Variants in GPR158 observed in about 807,000 individuals in gnomAD.
The protein encoded by GPR158 is G protein-coupled receptor 158.
A neutral mutation model predicts 78.2 loss-of-function variants in GPR158; 30 were observed. That is an observed-to-expected ratio of 0.38 (90% CI 0.29 to 0.52). The LOEUF (loss-of-function observed/expected upper bound fraction) is 0.52. Ranked by LOEUF, GPR158 falls within the 20% of genes least tolerant of loss-of-function variation. The pLI, the probability that GPR158 is intolerant of heterozygous loss-of-function variation, is 0.83. For missense variants in GPR158, 1,463 were observed against 1,523.5 expected (o/e 0.96, Z 0.66); for synonymous variants, 581 against 591.1 (o/e 0.98, Z 0.25).
At chr10:25,546,001 G>A (rs972883700) in intron 5 of GPR158, among the ~76,000 whole-genome samples, 1 of 152,170 alleles carries the variant, frequency 6.6e-6, no homozygotes, top group African/African-American at 2.4e-5. Context: ...CATTCATTGA[G>A]AGTAAATAAC....
chr10:25,410,579 G>T (rs891960271), intron 3 of GPR158, among the ~76,000 whole-genome samples: 2 of 152,134 alleles, frequency 1.3e-5, no homozygotes, highest in African/African-American at 4.8e-5. Flanking sequence ...TGATGCCACT[G>T]CACTCCAGCT....
chr10:25,281,185 TCTC>T (rs1854267145), intron 2 of GPR158, among the ~76,000 whole-genome samples: 1 of 150,346 alleles, frequency 6.7e-6, no homozygotes, highest in South Asian at 2.1e-4. Context: ...AAGAATCTCT[TCTC>T]CATCTTTTCG....
At chr10:25,543,469 T>G (rs927668577) in intron 5 of GPR158, among the ~76,000 whole-genome samples, 2 of 152,122 alleles carry the variant, frequency 1.3e-5, no homozygotes, top group Non-Finnish European at 2.9e-5. Context: ...ACCACTAAGA[T>G]CATTTGATTG....
At chr10:25,320,459 C>G (rs913135171) in intron 2 of GPR158, among the ~76,000 whole-genome samples, 2 of 152,214 alleles carry the variant, frequency 1.3e-5, no homozygotes, top group African/African-American at 4.8e-5. Flanking sequence ...TTTTAGCCAG[C>G]TGGGCTGTTC....
chr10:25,202,492 G>A (rs1023323049), intron 1 of GPR158, among the ~76,000 whole-genome samples: 1 of 152,130 alleles, frequency 6.6e-6, no homozygotes, highest in African/African-American at 2.4e-5. Flanking sequence ...CTATGAGTGA[G>A]AACATGCAGT....
At chr10:25,219,501 T>C (rs1301623091) in intron 1 of GPR158, among the ~76,000 whole-genome samples, 1 of 152,184 alleles carries the variant, frequency 6.6e-6, no homozygotes, top group Non-Finnish European at 1.5e-5. Flanking sequence ...ATGATCAGCG[T>C]GTTTTCTGTA....
At chr10:25,483,591 C>T (rs1207255943) in intron 5 of GPR158, among the ~76,000 whole-genome samples, 1 of 152,086 alleles carries the variant, frequency 6.6e-6, no homozygotes, top group East Asian at 1.9e-4. Context: ...CTGTTCTCCT[C>T]ACCTCACCCG....
At chr10:25,553,349 C>T (rs1439267353) in intron 6 of GPR158, among the ~76,000 whole-genome samples, 1 of 152,062 alleles carries the variant, frequency 6.6e-6, no homozygotes, top group Non-Finnish European at 1.5e-5. Context: ...CTTTGTATCT[C>T]TAGAAGTCAT....
chr10:25,544,975 G>A (rs1391086037), intron 5 of GPR158, among the ~76,000 whole-genome samples: 4 of 152,140 alleles, frequency 2.6e-5, no homozygotes, highest in Non-Finnish European at 5.9e-5. Flanking sequence ...TTCTGTTCCT[G>A]TGTTAGTTTG....
chr10:25,275,860 A>G (rs1465006850), intron 2 of GPR158, among the ~76,000 whole-genome samples: 5 of 152,182 alleles, frequency 3.3e-5, no homozygotes, highest in African/African-American at 1.2e-4. Flanking sequence ...TGAAGGTGCT[A>G]GAACAGGGAT....
At chr10:25,194,946 A>G (rs1177099231) in intron 1 of GPR158, among the ~76,000 whole-genome samples, 1 of 152,136 alleles carries the variant, frequency 6.6e-6, no homozygotes, top group Non-Finnish European at 1.5e-5. Context: ...TTACTAGAGT[A>G]AAAGAATTCT....
intron 2 of GPR158, among the ~76,000 whole-genome samples, chr10:25,314,848 C>T (rs61470623): frequency 0.1 from 11,489 of 114,372 alleles, 1,116 homozygotes; most frequent in African/African-American, 0.29. Flanking sequence ...CACGTATATA[C>T]ATACACACAC....
chr10:25,259,166 C>A (rs1853933933), intron 2 of GPR158, among the ~76,000 whole-genome samples: 1 of 152,130 alleles, frequency 6.6e-6, no homozygotes, highest in East Asian at 1.9e-4. Flanking sequence ...ATAAGCAGTT[C>A]AAACATGTGT....
At chr10:25,396,986 G>A (rs2098459207) in intron 3 of GPR158, among the ~76,000 whole-genome samples, 1 of 152,078 alleles carries the variant, frequency 6.6e-6, no homozygotes, top group African/African-American at 2.4e-5. Flanking sequence ...ACCTAGCTAC[G>A]TTACCCTTTC....
chr10:25,313,090 T>C (rs1384315714), intron 2 of GPR158, among the ~76,000 whole-genome samples: 1 of 152,060 alleles, frequency 6.6e-6, no homozygotes, highest in Non-Finnish European at 1.5e-5. Flanking sequence ...TTGCATTTAC[T>C]GTTGCCTCCA....
intron 2 of GPR158, among the ~76,000 whole-genome samples, chr10:25,324,783 A>T (rs1424483631): frequency 6.6e-6 from 1 of 151,922 alleles, no homozygotes; most frequent in East Asian, 1.9e-4. Flanking sequence ...ATGGACAATA[A>T]ATAATAAGTA....
intron 2 of GPR158, among the ~76,000 whole-genome samples, chr10:25,347,738 C>T (rs1855392600): frequency 6.6e-6 from 1 of 151,944 alleles, no homozygotes; most frequent in Admixed American, 6.6e-5. Context: ...TGTATCTTTA[C>T]ATAGCATTTT....
intron 1 of GPR158, among the ~76,000 whole-genome samples, chr10:25,198,991 A>G (rs1426310171): frequency 6.6e-6 from 1 of 150,936 alleles, no homozygotes; most frequent in Non-Finnish European, 1.5e-5. Flanking sequence ...ATGTTAAAAT[A>G]TTTCTAATCA....
In GPR158 at chr10:25,572,856, C is replaced by T. The variant is rs1837029683; in HGVS notation, c.1722C>T (p.Leu574=). ...ATCACCTCATCTTCAATATGTGCCT[C>T]ATTGACCGCTGGGACTACATGACAG... ...TSDHLIFNMC[L]IDRWDYMTAV... is the part of the protein sequence containing the mutation. Residue 574 remains leucine (L), a synonymous_variant, in exon 7 of 11, where the codon CTC becomes CTT. Coordinates refer to ENST00000376351, the MANE Select transcript of GPR158 (RefSeq NM_020752.3). The T allele has an allele frequency of 6.2e-7, 1 of 1,609,994 alleles. No homozygotes were observed. The highest frequency in any genetic ancestry group is 1.3e-5 in the African/African-American group (1 of 74,816).
Sources: allele counts gnomAD v4.1 joint callset (sites outside exome capture counted in the v4.1 genomes callset), GRCh38; gene constraint gnomAD v4.1.1; transcripts MANE v1.5; gene names NCBI Gene and HGNC (gene_info 2026-07-23, HGNC 2026-07-21).